POLQ: variants seen among roughly 807,000 people sequenced by gnomAD.
POLQ encodes epididymis secretory sperm binding protein.
POLQ carries 233 observed loss-of-function variants against 259.2 expected under a neutral mutation model. The observed-to-expected ratio is 0.90, with a 90% CI of 0.81 to 1.00. The LOEUF is 1.00. Ranked by LOEUF, POLQ falls within the 50% of genes least tolerant of loss-of-function variation. The pLI is 0.00. For synonymous variants in POLQ, 1,025 were observed against 1,048.8 expected (o/e 0.98, Z 0.44); for missense variants, 2,871 against 3,051.6 (o/e 0.94, Z 1.39).
At chr3:121,456,787 T>G (rs1421498299) in intron 25 of POLQ, among the ~76,000 whole-genome samples, 1 of 152,168 alleles carries the variant, frequency 6.6e-6, no homozygotes, top group Non-Finnish European at 1.5e-5. Flanking sequence ...AGAATCAATA[T>G]CGTGAAAATG....
chr3:121,514,745 AC>A (rs1321796352), intron 9 of POLQ, among the ~76,000 whole-genome samples: 1 of 150,538 alleles, frequency 6.6e-6, no homozygotes, highest in Non-Finnish European at 1.5e-5. Flanking sequence ...AGCTCTGTGT[AC>A]CTGCCAGTGG....
In POLQ at chr3:121,496,180, C is replaced by CT. The variant is rs1560099945; in HGVS notation, c.2278+627_2278+628insA. On this transcript the variant is annotated intron_variant, in intron 14 of 29. Transcript: ENST00000264233. ...CCTCAACAATATGGATTAATCAGTA[C>CT]CTTTTTTTTTTTTTGAGACAGAGTC... is the stretch of plus-strand genomic sequence containing the variant. Among the ~76,000 whole-genome samples the CT allele has an allele frequency of 9.6e-3, 574 of 59,750 alleles. 4 individuals are homozygous for CT. The highest frequency in any genetic ancestry group is 0.041 in the African/African-American group (543 of 13,292). 39.2% of individuals were successfully genotyped at this position (59,750 alleles called of 152,430 possible).
rs764103973 is a variant in POLQ at position 121,488,325 on chromosome 3, A to T, written c.4606T>A (p.Ser1536Thr). Reference sequence around the variant, plus strand: ...GTATCTTGATTCTCATTTACATTTGATTTTTTAATTAGGTCTTCTTGTAGA... The same window carrying T: ...GTATCTTGATTCTCATTTACATTTGTTTTTTTAATTAGGTCTTCTTGTAGA... ...LCLQEDLIKK[S>T]NVNENQDTHQ... Residue 1536 changes from serine (S) to threonine (T), a missense_variant, in exon 16 of 30, where the codon TCA (serine) becomes ACA (threonine). By Grantham distance (58) the Ser-to-Thr change is moderately conservative. Transcript: ENST00000264233. The T allele has an allele frequency of 9.3e-6, 15 of 1,612,652 alleles. No individual in the cohort carries two copies. Among genetic ancestry groups the T allele is most frequent in the East Asian group, 8.9e-5 (4 of 44,860 alleles).
At chr3:121,459,013 G>C (rs1052782575) in intron 25 of POLQ, among the ~76,000 whole-genome samples, 6 of 152,150 alleles carry the variant, frequency 3.9e-5, no homozygotes, top group African/African-American at 1.4e-4. Flanking sequence ...CTTGCAAATG[G>C]CATCAGATTT....
rs1247253025 is a variant in POLQ, at chr3:121,482,435, G to A, written c.5971-623C>T. On this transcript the variant is annotated intron_variant, in intron 18 of 29. Transcript: ENST00000264233. ...CTCAGGAGGCTGAGGCAAAAGAATC[G>A]CTTGAACCTGGGAGGCGGAGGTTGC... 2.6e-5 allele frequency among the ~76,000 whole-genome samples: 4 copies of A among 151,522 alleles called. No homozygotes were observed. The East Asian group carries it at 5.8e-4, about 22-fold the overall frequency.
At chr3:121,478,545 C>A in intron 19 of POLQ, among the ~76,000 whole-genome samples, 1 of 83,634 alleles carries the variant, frequency 1.2e-5, no homozygotes. Context: ...AGCAGAAATA[C>A]ATCAAGAATC....
At chr3:121,512,455 A>G (rs977733828) in intron 9 of POLQ, among the ~76,000 whole-genome samples, 2 of 152,180 alleles carry the variant, frequency 1.3e-5, no homozygotes, top group African/African-American at 4.8e-5. Flanking sequence ...TCTATCTTCC[A>G]TTAGTTTGCC....
In POLQ at chr3:121,490,188, C is replaced by G; in HGVS notation, c.2743G>C (p.Glu915Gln). 8.1e-6 allele frequency: 13 copies of G among 1,613,546 alleles called. No homozygotes were observed. The highest frequency in any genetic ancestry group is 1.1e-5 in the Non-Finnish European group (13 of 1,179,610). The change falls in exon 16 of 30, where the codon GAG becomes CAG. Residue 915 changes from glutamate to glutamine, a missense_variant. Around this residue, in one of 3 missense-constraint regions of POLQ, gnomAD observed 2,080 missense variants for 2,126.0 expected, o/e 0.98. Transcript: ENST00000264233. ...HSSTCSLTHS[E>Q]SEVKEHTFIS... Reference sequence around the variant, plus strand: ...AATGTGTGTTCCTTTACTTCGGACTCACTATGAGTCAATGAGCATGTACTA... The same window carrying G: ...AATGTGTGTTCCTTTACTTCGGACTGACTATGAGTCAATGAGCATGTACTA...
At chr3:121,517,184 T>C (rs1243589397) in intron 9 of POLQ, among the ~76,000 whole-genome samples, 1 of 152,128 alleles carries the variant, frequency 6.6e-6, no homozygotes, top group Non-Finnish European at 1.5e-5. Context: ...GAGGTGTGAG[T>C]CCACTGAAAA....
chr3:121,465,149 T>C (rs2047825260), intron 24 of POLQ, among the ~76,000 whole-genome samples: 1 of 151,672 alleles, frequency 6.6e-6, no homozygotes, highest in African/African-American at 2.4e-5. Flanking sequence ...TGCAGTGGCA[T>C]GATCATGGCT....
At chr3:121,441,489 T>C (rs1448661828) in intron 26 of POLQ, among the ~76,000 whole-genome samples, 1 of 152,242 alleles carries the variant, frequency 6.6e-6, no homozygotes, top group Non-Finnish European at 1.5e-5. Flanking sequence ...TGACACTGTA[T>C]ATGCTCATTT....
At chr3:121,512,117 T>C in intron 9 of POLQ, 88 bp from the exon 10 acceptor site, 2 of 1,148,864 alleles carry the variant, frequency 1.7e-6, no homozygotes, top group African/African-American at 1.6e-5. Flanking sequence ...TTACTTTGCT[T>C]AAAAGCAGAC....
chr3:121,539,131 G>T (rs558866503), intron 4 of POLQ, among the ~76,000 whole-genome samples: 1 of 152,222 alleles, frequency 6.6e-6, no homozygotes, highest in Admixed American at 6.5e-5. Flanking sequence ...GGCCCAGCAG[G>T]CCTCCTTCTA....
intron 24 of POLQ, among the ~76,000 whole-genome samples, chr3:121,464,619 A>G (rs77029095): frequency 0.017 from 2,610 of 152,278 alleles, 53 homozygotes; most frequent in East Asian, 0.072. Flanking sequence ...CTGTTCTAAA[A>G]TCTAAAACTT....
intron 22 of POLQ, among the ~76,000 whole-genome samples, chr3:121,469,775 G>A (rs1223784668): frequency 6.6e-6 from 1 of 152,128 alleles, no homozygotes; most frequent in Non-Finnish European, 1.5e-5. Flanking sequence ...TAATGGATAT[G>A]AAGTATATTC....
intron 14 of POLQ, among the ~76,000 whole-genome samples, chr3:121,495,124 A>G (rs1560099642): frequency 6.6e-6 from 1 of 152,214 alleles, no homozygotes; most frequent in African/African-American, 2.4e-5. Context: ...ATACAAAATT[A>G]GCCAGGCATG....
At chr3:121,474,899 T>G (rs1465480813) in intron 20 of POLQ, among the ~76,000 whole-genome samples, 2 of 152,202 alleles carry the variant, frequency 1.3e-5, no homozygotes, top group East Asian at 1.9e-4. Context: ...CAAATTATAG[T>G]TGTATACATT....
At chr3:121,501,630 C>G (rs2048169245) in intron 12 of POLQ, among the ~76,000 whole-genome samples, 1 of 129,660 alleles carries the variant, frequency 7.7e-6, no homozygotes, top group Admixed American at 8.6e-5. Flanking sequence ...CCACTGCACT[C>G]CAGCCTGGGC....
At chr3:121,455,803 T>G (rs2047730874) in intron 25 of POLQ, among the ~76,000 whole-genome samples, 2 of 152,054 alleles carry the variant, frequency 1.3e-5, no homozygotes, top group Admixed American at 1.3e-4. Flanking sequence ...TCTACCAGAG[T>G]TACAAGGAGG....
Sources: allele counts gnomAD v4.1 joint callset (sites outside exome capture counted in the v4.1 genomes callset), GRCh38; gene constraint gnomAD v4.1.1; regional missense constraint gnomAD v4.1.1; transcripts MANE v1.5; gene names NCBI Gene and HGNC (gene_info 2026-07-23, HGNC 2026-07-21).